The following ATG4C variants were observed in gnomAD, a reference collection of about 807,000 sequenced individuals.
The protein encoded by ATG4C is cysteine protease ATG4C.
Under a neutral mutation model 57.6 loss-of-function variants are expected in ATG4C, and 56 were observed. The ratio of observed to expected loss-of-function variants is 0.97; its 90% confidence interval spans 0.78 to 1.21. ATG4C has a LOEUF of 1.21. Ranked by LOEUF, ATG4C falls within the 50% of genes most tolerant of loss-of-function variation. ATG4C has a pLI of 0.00. For missense variants in ATG4C, 595 were observed against 529.8 expected (o/e 1.12, Z -1.21); for synonymous variants, 157 against 174.1 (o/e 0.90, Z 0.78).
At chr1:62,846,291 CTT>C (rs771723905) in intron 10 of ATG4C, among the ~76,000 whole-genome samples, 9 of 152,126 alleles carry the variant, frequency 5.9e-5, no homozygotes, top group Non-Finnish European at 1.0e-4. Context: ...ACACCAAACT[CTT>C]TTGGTTTTTC....
At chr1:62,843,376 T>C (rs1175996353) in intron 10 of ATG4C, among the ~76,000 whole-genome samples, 1 of 152,188 alleles carries the variant, frequency 6.6e-6, no homozygotes, top group Non-Finnish European at 1.5e-5. Context: ...TCAATAGCTT[T>C]TTGTAGCAGT....
At chr1:62,816,830 G>T in intron 4 of ATG4C, 22 bp downstream of exon 4, 2 of 1,418,504 alleles carry the variant, frequency 1.4e-6, no homozygotes, top group African/African-American at 1.5e-5. Context: ...TTCTGTTTTT[G>T]TTTTGTTTTG....
intron 10 of ATG4C, among the ~76,000 whole-genome samples, chr1:62,859,493 A>G (rs1195311171): frequency 1.3e-5 from 2 of 152,180 alleles, no homozygotes; most frequent in South Asian, 2.1e-4. Flanking sequence ...AAAATGGTGT[A>G]CCTGTGTAGG....
chr1:62,834,837 G>T lies in ATG4C; in HGVS notation c.1074G>T (p.Lys358Asn), dbSNP rs1343764288. Residue 358 changes from lysine (K) to asparagine (N), a missense_variant, in exon 9 of 11, where the codon AAG becomes AAT. Physicochemically the swap from Lys to Asn is moderately conservative, Grantham distance 94. Transcript: ENST00000317868. ...AATCTTTTGTAGATGTCAGCATAAAGGATTTCCCTCTTGAGGTACTGTGGA... is the reference window on the plus strand; with the variant it reads ...AATCTTTTGTAGATGTCAGCATAAATGATTTCCCTCTTGAGGTACTGTGGA... ...YCQSFVDVSI[K>N]DFPLETFHCP... 6.8e-6 allele frequency: 11 copies of T among 1,611,666 alleles called. No homozygotes were observed. Among genetic ancestry groups the T allele is most frequent in the Non-Finnish European group, 9.3e-6 (11 of 1,178,474 alleles).
intron 3 of ATG4C, among the ~76,000 whole-genome samples, chr1:62,807,688 C>T (rs925579904): frequency 6.6e-6 from 1 of 152,194 alleles, no homozygotes; most frequent in African/African-American, 2.4e-5. Flanking sequence ...GTGCTTGGGA[C>T]CCTTCTAGAC....
intron 2 of ATG4C, among the ~76,000 whole-genome samples, chr1:62,804,278 G>T (rs1461512297): frequency 6.6e-6 from 1 of 151,844 alleles, no homozygotes; most frequent in East Asian, 1.9e-4. Context: ...TTTTAGTAGA[G>T]ATTGGGTTTC....
intron 1 of ATG4C, among the ~76,000 whole-genome samples, chr1:62,798,485 A>G (rs1664546173): frequency 6.6e-6 from 1 of 152,204 alleles, no homozygotes; most frequent in African/African-American, 2.4e-5. Flanking sequence ...AGTGTGTTTT[A>G]ATATGTGGTA....
intron 9 of ATG4C, among the ~76,000 whole-genome samples, chr1:62,838,052 G>C (rs1045361598): frequency 1.3e-5 from 2 of 152,172 alleles, no homozygotes; most frequent in Non-Finnish European, 2.9e-5. Context: ...GTACCTATAA[G>C]CATATGTTTC....
chr1:62,815,419 A>G (rs922457912), intron 3 of ATG4C, among the ~76,000 whole-genome samples: 1 of 152,062 alleles, frequency 6.6e-6, no homozygotes, highest in African/African-American at 2.4e-5. Context: ...GTTGTCATAC[A>G]TTTTACTTAT....
chr1:62,807,469 A>C (rs748856422), intron 3 of ATG4C, among the ~76,000 whole-genome samples: 6 of 152,232 alleles, frequency 3.9e-5, no homozygotes, highest in Admixed American at 6.5e-5. Context: ...AGCCAAGATT[A>C]GAATGGAACT....
intron 3 of ATG4C, among the ~76,000 whole-genome samples, chr1:62,813,468 TAAAC>T (rs1435219770): frequency 6.6e-6 from 1 of 152,176 alleles, no homozygotes; most frequent in Non-Finnish European, 1.5e-5. Flanking sequence ...ATTAAAGACT[TAAAC>T]TAAGACCTAA....
chr1:62,832,041 ACT>A (rs1427096157), intron 7 of ATG4C, among the ~76,000 whole-genome samples: 1 of 152,124 alleles, frequency 6.6e-6, no homozygotes, highest in African/African-American at 2.4e-5. Context: ...GAAGTAAGGC[ACT>A]CTCTAATTGT....
In ATG4C at chr1:62,841,474, A is replaced by G. The variant is rs754635245; in HGVS notation, c.1136A>G (p.Asp379Gly). 2 of 1,608,372 alleles carry G rather than the reference A, an allele frequency of 1.2e-6. No individual in the cohort carries two copies. Among genetic ancestry groups the G allele is most frequent in the East Asian group, 2.2e-5 (1 of 44,562 alleles). ...AAAAAGATGTCTTTTCGAAAAATGGATCCCAGCTGTACAATAGGATTTTAC... is the reference window on the plus strand; with the variant it reads ...AAAAAGATGTCTTTTCGAAAAATGGGTCCCAGCTGTACAATAGGATTTTAC... ...SPKKMSFRKM[D>G]PSCTIGFYCR... Residue 379 changes from aspartate to glycine, a missense_variant, in exon 10 of 11, where the codon GAT (aspartate) becomes GGT (glycine). Asp to Gly is a moderately conservative substitution (Grantham distance 94, BLOSUM62 -1). Coordinates refer to ENST00000317868, the MANE Select transcript of ATG4C (RefSeq NM_032852.4).
At chr1:62,795,290 C>G (rs1664424626) in intron 1 of ATG4C, among the ~76,000 whole-genome samples, 1 of 152,170 alleles carries the variant, frequency 6.6e-6, no homozygotes, top group African/African-American at 2.4e-5. Context: ...TTTGAGTACT[C>G]TTTACATTTA....
Position 62,836,050 on chromosome 1 carries a change from T to G in ATG4C, c.1089+1198T>G, listed in dbSNP as rs139951861. Among the ~76,000 whole-genome samples the G allele has an allele frequency of 4.9e-3, 743 of 152,154 alleles. 7 individuals are homozygous for G. Among genetic ancestry groups the G allele is most frequent in the African/African-American group, 0.017 (696 of 41,536 alleles). ...TACCTAAATAAGCAAATTAAAAGAT[T>G]ATTGGTCTGATTATTTTGGCCAGTA... On this transcript the variant is annotated intron_variant, in intron 9 of 10. Coordinates refer to ENST00000317868, the MANE Select transcript of ATG4C (RefSeq NM_032852.4).
intron 1 of ATG4C, among the ~76,000 whole-genome samples, chr1:62,789,694 GTAGTCCCAGT>G (rs1664206465): frequency 6.6e-6 from 1 of 152,038 alleles, no homozygotes; most frequent in South Asian, 2.1e-4. Context: ...GCGGGCGCCT[GTAGTCCCAGT>G]TACTAGGGAG....
chr1:62,785,137 G>A (rs1664041056), intron 1 of ATG4C: 1 of 152,120 alleles, frequency 6.6e-6, no homozygotes, highest in African/African-American at 2.4e-5. Context: ...TGGGTTTTTG[G>A]CAATGATTTT....
chr1:62,834,250 C>G lies in ATG4C; in HGVS notation c.1012+134C>G, dbSNP rs188237207. 2.1e-4 allele frequency: 139 copies of G among 658,264 alleles called. 2 individuals carry two copies. The African/African-American group carries it at 2.4e-3, about 11-fold the overall frequency. The allele number at this position is 658,264 out of a possible 1,614,324, so 40.8% of individuals were successfully genotyped here. ...TATACATTCATCAGTCCTACTATAG[C>G]CACTCATTTGTCATTTGGTCCACAA... is the stretch of plus-strand genomic sequence containing the variant. On this transcript the variant is annotated intron_variant, in intron 8 of 10. Transcript: ENST00000317868.
chr1:62,852,603 C>T (rs1436669345), intron 10 of ATG4C, among the ~76,000 whole-genome samples: 1 of 152,180 alleles, frequency 6.6e-6, no homozygotes, highest in African/African-American at 2.4e-5. Flanking sequence ...TGGTTAGTCA[C>T]TATTCAGTGT....
Sources: gnomAD v4.1 joint callset for allele counts (sites outside exome capture counted in the v4.1 genomes callset) on GRCh38, gnomAD v4.1.1 for gene constraint, MANE v1.5 for transcripts, NCBI Gene and HGNC (gene_info 2026-07-23, HGNC 2026-07-21) for gene names.